The following PREX2 variants were observed in gnomAD, a reference collection of about 807,000 sequenced individuals.
The protein encoded by PREX2 is phosphatidylinositol 3,4,5-trisphosphate-dependent Rac exchanger 2 protein.
Under a neutral mutation model 203.2 loss-of-function variants are expected in PREX2, and 107 were observed. The observed-to-expected ratio is 0.53, with a 90% CI of 0.45 to 0.62. The LOEUF (loss-of-function observed/expected upper bound fraction) is 0.62, where lower values mean the gene tolerates loss of function less well. Ranked by LOEUF, PREX2 falls within the 20% of genes least tolerant of loss-of-function variation. The pLI, the probability that PREX2 is intolerant of heterozygous loss-of-function variation, is 0.00. For synonymous variants in PREX2, 672 were observed against 663.6 expected (o/e 1.01, Z -0.19); for missense variants, 1,777 against 1,955.9 (o/e 0.91, Z 1.72).
rs924599316 is a variant in PREX2 at position 68,083,369 on chromosome 8, G to A, written c.2008G>A (p.Val670Met). The A allele has an allele frequency of 6.2e-7, 1 of 1,609,260 alleles. No homozygotes were observed. Among genetic ancestry groups the A allele is most frequent in the Non-Finnish European group, 8.5e-7 (1 of 1,176,918 alleles). The change falls in exon 18 of 40, where the codon GTG (valine) becomes ATG (methionine). Residue 670 changes from valine to methionine, a missense_variant. By Grantham distance (21) the Val-to-Met change is conservative. Transcript: ENST00000288368. ...LNSRKPLRVLVSTKPRETVKI... is the reference protein window; with the variant it reads ...LNSRKPLRVLMSTKPRETVKI... The stretch of plus-strand genomic sequence containing the variant: ...CAGCAGAAAACCTCTAAGAGTTCTT[G>A]TGAGCACAAAGCCAAGAGAGTAAGT...
intron 37 of PREX2, among the ~76,000 whole-genome samples, chr8:68,201,900 AT>A (rs869153263): frequency 0.036 from 3,551 of 98,224 alleles, 71 homozygotes; most frequent in African/African-American, 0.12. Context: ...GGTAACACCT[AT>A]TTTTTTTTTT....
chr8:68,164,877 C>T (rs1463535097), intron 35 of PREX2, among the ~76,000 whole-genome samples: 4 of 138,830 alleles, frequency 2.9e-5, no homozygotes, highest in Admixed American at 7.7e-5. Context: ...CCACTGAGCC[C>T]GGCCAAACCT....
intron 6 of PREX2, among the ~76,000 whole-genome samples, chr8:68,035,912 C>T (rs533075787): frequency 5.3e-5 from 8 of 152,102 alleles, no homozygotes; most frequent in Non-Finnish European, 1.0e-4. Context: ...ATACACTTTG[C>T]GGCATAACCA....
intron 34 of PREX2, among the ~76,000 whole-genome samples, chr8:68,149,114 T>G (rs1201939947): frequency 6.6e-6 from 1 of 152,170 alleles, no homozygotes; most frequent in Non-Finnish European, 1.5e-5. Context: ...CCTAGGAAAT[T>G]TACTAAAGTC....
chr8:68,051,723 G>T (rs1041034947), intron 8 of PREX2, among the ~76,000 whole-genome samples: 1 of 152,046 alleles, frequency 6.6e-6, no homozygotes, highest in East Asian at 1.9e-4. Flanking sequence ...ACACATAAAG[G>T]TAATAAAAGT....
At chr8:68,080,358 T>C in intron 15 of PREX2, 85 bp from the exon 16 acceptor site, 1 of 1,170,112 alleles carries the variant, frequency 8.5e-7, no homozygotes, top group Non-Finnish European at 1.3e-6. Context: ...TGGGTGCAGG[T>C]ATTAATTTGT....
chr8:67,965,594 T>A (rs1158959760), intron 1 of PREX2, among the ~76,000 whole-genome samples: 24 of 152,138 alleles, frequency 1.6e-4, no homozygotes, highest in Admixed American at 1.6e-3. Context: ...CAGTGGATGT[T>A]CTATTGATTG....
intron 37 of PREX2, among the ~76,000 whole-genome samples, chr8:68,192,981 T>C (rs944935960): frequency 1.3e-5 from 2 of 152,150 alleles, no homozygotes; most frequent in African/African-American, 2.4e-5. Flanking sequence ...CTGGTGAAAT[T>C]ATGGTCCAGG....
chr8:68,172,373 C>T (rs956113691), intron 35 of PREX2, among the ~76,000 whole-genome samples: 11 of 152,316 alleles, frequency 7.2e-5, no homozygotes, highest in African/African-American at 2.6e-4. Flanking sequence ...TCAACAAATA[C>T]TGTGCTCCTG....
intron 12 of PREX2, 96 bp downstream of exon 12, chr8:68,069,232 G>A (rs1809116198): frequency 6.0e-6 from 4 of 663,724 alleles, no homozygotes; most frequent in Non-Finnish European, 1.0e-5. Flanking sequence ...GATTTTTCTA[G>A]TTTAGAAAAT....
Position 68,097,118 on chromosome 8 carries a change from G to C in PREX2, c.2470G>C (p.Glu824Gln). ...NVHLEYGVVYEYDSTAGIKCN... is the reference protein window; with the variant it reads ...NVHLEYGVVYQYDSTAGIKCN... ...CCACCTGGAATATGGTGTCGTGTAT[G>C]AGTACGACAGCACAGCTGGCATCAA... Residue 824 changes from glutamate (E) to glutamine (Q), a missense_variant, in exon 22 of 40, where the codon GAG becomes CAG. Coordinates refer to ENST00000288368, the MANE Select transcript of PREX2 (RefSeq NM_024870.4). 1 of 1,613,630 alleles carries C rather than the reference G, an allele frequency of 6.2e-7. No individual in the cohort carries two copies. The highest frequency in any genetic ancestry group is 1.1e-5 in the South Asian group (1 of 91,062).
At chr8:68,138,848 CTT>C (rs886964725) in intron 33 of PREX2, among the ~76,000 whole-genome samples, 16 of 152,100 alleles carry the variant, frequency 1.1e-4, no homozygotes, top group African/African-American at 3.9e-4. Flanking sequence ...TTATATGTCT[CTT>C]GTTTTTTCAA....
intron 1 of PREX2, among the ~76,000 whole-genome samples, chr8:67,959,431 G>A (rs958867783): frequency 2.0e-5 from 3 of 152,148 alleles, no homozygotes; most frequent in Admixed American, 2.0e-4. Flanking sequence ...TGGTAACTGC[G>A]AGGAGAGAAG....
rs1172576371 is a variant in PREX2 at position 68,099,863 on chromosome 8, T to G, written c.2715+20T>G. On this transcript the variant is annotated intron_variant, in intron 23 of 39. Transcript: ENST00000288368. ...AAAAAGGTAAGTGTTCTATTGATTT[T>G]ATACACAATTATTGTTGAAATTATT... 6.5e-7 allele frequency: 1 copy of G among 1,538,430 alleles called. No individual in the cohort carries two copies. The highest frequency in any genetic ancestry group is 2.2e-5 in the East Asian group (1 of 44,486).
At chr8:68,089,235 T>C (rs201267361) in intron 19 of PREX2, among the ~76,000 whole-genome samples, 8 of 44,680 alleles carry the variant, frequency 1.8e-4, no homozygotes, top group African/African-American at 8.9e-4. Context: ...TCATGGTTAT[T>C]GAATTAGTGT....
intron 4 of PREX2, among the ~76,000 whole-genome samples, chr8:68,025,405 C>A (rs139563840): frequency 6.6e-6 from 1 of 151,700 alleles, no homozygotes; most frequent in Non-Finnish European, 1.5e-5. Context: ...TATGATGGGT[C>A]ATTTTTCTCT....
intron 3 of PREX2, among the ~76,000 whole-genome samples, chr8:68,020,366 G>A (rs1337771500): frequency 4.0e-5 from 6 of 148,830 alleles, no homozygotes; most frequent in South Asian, 4.2e-4. Flanking sequence ...ATGCTGCTAC[G>A]TATACCGTTA....
chr8:67,996,145 G>A (rs748483351), intron 1 of PREX2, among the ~76,000 whole-genome samples: 23 of 152,050 alleles, frequency 1.5e-4, no homozygotes, highest in Non-Finnish European at 2.8e-4. Flanking sequence ...TTATGTCCAA[G>A]TTTTTACCCA....
intron 1 of PREX2, among the ~76,000 whole-genome samples, chr8:67,978,164 T>A (rs1490815319): frequency 2.6e-5 from 4 of 152,178 alleles, no homozygotes; most frequent in South Asian, 2.1e-4. Flanking sequence ...CACTGCAGAA[T>A]TGATTGCTTA....
Sources: gnomAD v4.1 joint callset for allele counts (sites outside exome capture counted in the v4.1 genomes callset) on GRCh38, gnomAD v4.1.1 for gene constraint, MANE v1.5 for transcripts, NCBI Gene and HGNC (gene_info 2026-07-23, HGNC 2026-07-21) for gene names.